The following ACAT1 variants were observed in gnomAD, a reference collection of about 807,000 sequenced individuals.
ACAT1 encodes the protein acetyl-CoA acetyltransferase 1, also known as acetyl-CoA acetyltransferase, mitochondrial.
In ACAT1, 28 loss-of-function variants were observed where a neutral mutation model predicts 47.3. The observed-to-expected ratio is 0.59, with a 90% CI of 0.44 to 0.81. The LOEUF is 0.81. Ranked by LOEUF, ACAT1 falls within the 30% of genes least tolerant of loss-of-function variation. The probability of loss-of-function intolerance (pLI) is 0.00; values close to 1 mark genes in which losing one functional copy is unlikely to be tolerated. For missense variants in ACAT1, 469 were observed against 524.3 expected, an observed-to-expected ratio of 0.89 and a Z score of 1.03; for synonymous variants, 181 against 173.6, an observed-to-expected ratio of 1.04 and a Z score of -0.34.
chr11:108,142,326 T>G (rs1344567011), intron 8 of ACAT1, 111 bp from the exon 9 acceptor site: 5 of 816,016 alleles, frequency 6.1e-6, no homozygotes, highest in African/African-American at 5.1e-5. Flanking sequence ...CCACCCATAT[T>G]TGTAATTTCT....
At chr11:108,134,419 C>A in intron 4 of ACAT1, 103 bp downstream of exon 4, 1 of 827,596 alleles carries the variant, frequency 1.2e-6, no homozygotes, top group Non-Finnish European at 2.0e-6. Context: ...CCGAGGCAGG[C>A]GGATCACGAG....
intron 8 of ACAT1, 78 bp from the exon 9 acceptor site, chr11:108,142,359 A>G (rs979868233): frequency 1.2e-5 from 13 of 1,075,686 alleles, no homozygotes; most frequent in Non-Finnish European, 1.7e-5. Context: ...CAGCCCAGGC[A>G]ATAGGTATTT....
At chr11:108,134,369 G>A (rs1361110620) in intron 4 of ACAT1, 53 bp downstream of exon 4, 1 of 1,444,022 alleles carries the variant, frequency 6.9e-7, no homozygotes, top group East Asian at 2.3e-5. Context: ...AAGGGGCCGG[G>A]TGCGGTGGCT....
At chr11:108,142,416 C>A in intron 8 of ACAT1, 21 bp from the exon 9 acceptor site, 1 of 1,586,808 alleles carries the variant, frequency 6.3e-7, no homozygotes, top group Non-Finnish European at 8.6e-7. Context: ...GTTTTGACTT[C>A]AACCTCATTT....
rs1565297702 is a variant in ACAT1 at position 108,146,217 on chromosome 11, G to C, written c.1021G>C (p.Gly341Arg). Reference protein sequence around the residue: ...YAASMVLKDVGLKKEDIAMWE... With the variant: ...YAASMVLKDVRLKKEDIAMWE... ...AAAATTTAAGGTTCTTAAAGATGTG[G>C]GATTGAAAAAAGAAGATATTGCAAT... The change falls in exon 11 of 12, where the codon GGA becomes CGA. Residue 341 changes from glycine to arginine, a missense_variant. Transcript: ENST00000265838. The C allele has an allele frequency of 6.2e-7, 1 of 1,612,320 alleles. No homozygotes were observed. Among genetic ancestry groups the C allele is most frequent in the Admixed American group, 1.7e-5 (1 of 59,992 alleles).
intron 5 of ACAT1, 97 bp downstream of exon 5, chr11:108,135,339 C>CA: frequency 1.1e-6 from 1 of 895,168 alleles, no homozygotes; most frequent in South Asian, 1.4e-5. Flanking sequence ...AAATGAGATT[C>CA]TTTCTCATAA....
upstream of ACAT1, among the ~76,000 whole-genome samples, chr11:108,119,953 C>T (rs1280172954): frequency 1.3e-5 from 2 of 152,182 alleles, no homozygotes; most frequent in Non-Finnish European, 2.9e-5. Context: ...CAGTGGCTCA[C>T]GCCTGTAATC....
At chr11:108,140,687 C>G (rs1368461339) in intron 7 of ACAT1, among the ~76,000 whole-genome samples, 1 of 152,192 alleles carries the variant, frequency 6.6e-6, no homozygotes, top group African/African-American at 2.4e-5. Flanking sequence ...TCTAGGGTCA[C>G]ATATATAGGG....
intron 1 of ACAT1, among the ~76,000 whole-genome samples, chr11:108,128,276 C>T (rs1591357063): frequency 6.6e-6 from 1 of 151,994 alleles, no homozygotes; most frequent in East Asian, 1.9e-4. Context: ...ACCTGGAGAA[C>T]CTTTCTTGCC....
At chr11:108,125,618 T>C (rs2077232646) in intron 1 of ACAT1, among the ~76,000 whole-genome samples, 1 of 152,180 alleles carries the variant, frequency 6.6e-6, no homozygotes, top group Non-Finnish European at 1.5e-5. Context: ...ACTCTGGGAA[T>C]GTGTCATTAG....
intron 8 of ACAT1, 131 bp from the exon 9 acceptor site, chr11:108,142,306 G>C: frequency 4.1e-6 from 3 of 737,818 alleles, no homozygotes; most frequent in Non-Finnish European, 7.3e-6. Context: ...CCTGAGGGCA[G>C]GAATTGTCTC....
intron 1 of ACAT1, among the ~76,000 whole-genome samples, chr11:108,122,149 G>A (rs2077165105): frequency 6.6e-6 from 1 of 152,206 alleles, no homozygotes; most frequent in Non-Finnish European, 1.5e-5. Context: ...GGCACCATGT[G>A]ATCATAACAG....
intron 1 of ACAT1, among the ~76,000 whole-genome samples, chr11:108,126,497 G>A: frequency 6.6e-6 from 1 of 152,184 alleles, no homozygotes; most frequent in East Asian, 1.9e-4. Context: ...GCAATGAAAA[G>A]CTGTTAAATT....
At chr11:108,136,487 C>T (rs1034623317) in intron 5 of ACAT1, 27 of 175,518 alleles carry the variant, frequency 1.5e-4, no homozygotes, top group African/African-American at 6.1e-4. Flanking sequence ...AAAACGGTCA[C>T]CAGATTTAGT....
At chr11:108,145,007 C>T (rs2077675481) in intron 10 of ACAT1, among the ~76,000 whole-genome samples, 1 of 152,170 alleles carries the variant, frequency 6.6e-6, no homozygotes, top group African/African-American at 2.4e-5. Flanking sequence ...CCTTAGTCCA[C>T]TAGTAGAAGA....
intron 4 of ACAT1, 70 bp from the exon 5 acceptor site, chr11:108,135,072 A>G: frequency 9.8e-7 from 1 of 1,024,194 alleles, no homozygotes; most frequent in Non-Finnish European, 1.5e-6. Context: ...GTTTATAGTA[A>G]CATGCTCTAT....
At chr11:108,122,186 A>C (rs1209663037) in intron 1 of ACAT1, among the ~76,000 whole-genome samples, 1 of 152,262 alleles carries the variant, frequency 6.6e-6, no homozygotes, top group African/African-American at 2.4e-5. Flanking sequence ...CCTGAAATTT[A>C]TCAGGGAAAA....
chr11:108,123,080 C>CAA (rs1474259478), intron 1 of ACAT1, among the ~76,000 whole-genome samples: 4 of 151,654 alleles, frequency 2.6e-5, no homozygotes, highest in African/African-American at 9.7e-5. Context: ...CACACACACA[C>CAA]AAAAATTAGC....
chr11:108,131,372 T>TTTTTA lies in ACAT1; in HGVS notation c.73-535_73-534insTTTTA, dbSNP rs1555031491. On this transcript the variant is annotated intron_variant, in intron 1 of 11. Transcript: ENST00000265838. ...ACTTGGAATTTTTTTTTTTTTTTTT[T>TTTTTA]AGACAGTCTTGCTTTGTTGCCAAGG... Among the ~76,000 whole-genome samples, 66 of 142,454 alleles carry TTTTTA rather than the reference T, an allele frequency of 4.6e-4. 1 individual carries two copies. Among genetic ancestry groups the TTTTTA allele is most frequent in the African/African-American group, 1.7e-3 (64 of 38,382 alleles). The allele number at this position is 142,454 out of a possible 152,430, so 93.5% of individuals were successfully genotyped here. A position where few individuals can be genotyped will look rare whatever the true frequency, so the allele number is the denominator to read the frequency against.
Sources: allele counts gnomAD v4.1 joint callset (sites outside exome capture counted in the v4.1 genomes callset), GRCh38; gene constraint gnomAD v4.1.1; transcripts MANE v1.5; gene names NCBI Gene and HGNC (gene_info 2026-07-23, HGNC 2026-07-21).